The following ZBTB8A variants were observed in gnomAD, a reference collection of about 807,000 sequenced individuals.
ZBTB8A encodes zinc finger and BTB domain-containing protein 8A.
ZBTB8A carries 19 observed loss-of-function variants against 37.8 expected under a neutral mutation model. That is an observed-to-expected ratio of 0.50 (90% CI 0.35 to 0.74). ZBTB8A has a LOEUF of 0.74. ZBTB8A is among the 30% of genes least tolerant of loss of function. The probability of loss-of-function intolerance (pLI) is 0.01; values close to 1 mark genes in which losing one functional copy is unlikely to be tolerated. For synonymous variants in ZBTB8A, 181 were observed against 185.2 expected, an observed-to-expected ratio of 0.98 and a Z score of 0.19; for missense variants, 394 against 537.8, an observed-to-expected ratio of 0.73 and a Z score of 2.65.
At position 32,601,954 on chromosome 1, in the gene ZBTB8A, T is replaced by G. The variant is rs1644579228; in HGVS notation, c.*1535T>G. The G allele has an allele frequency of 3.2e-6, 1 of 315,112 alleles. No individual in the cohort carries two copies. The highest frequency in any genetic ancestry group is 5.7e-6 in the Non-Finnish European group (1 of 174,980). 19.5% of individuals were successfully genotyped at this position (315,112 alleles called of 1,614,324 possible). A position where few individuals can be genotyped will look rare whatever the true frequency, so the allele number is the denominator to read the frequency against. On this transcript the variant is annotated 3_prime_UTR_variant, in exon 5 of 5. Transcript: ENST00000373510. ...AAACTATTTGAACAAATTATTCACT[T>G]AAATATGTTGAACATTTTTGCTTCT...
intron 2 of ZBTB8A, among the ~76,000 whole-genome samples, chr1:32,557,415 T>C (rs1448127240): frequency 1.3e-5 from 2 of 152,242 alleles, no homozygotes; most frequent in Admixed American, 6.5e-5. Context: ...TGTAAATGTA[T>C]AGAAACCATC....
intron 2 of ZBTB8A, among the ~76,000 whole-genome samples, chr1:32,589,900 A>T (rs1198925855): frequency 1.3e-5 from 2 of 151,768 alleles, no homozygotes; most frequent in Admixed American, 6.6e-5. Flanking sequence ...TTTATACAAT[A>T]TTGGTAATTA....
intron 2 of ZBTB8A, among the ~76,000 whole-genome samples, chr1:32,565,258 T>C (rs758823288): frequency 4.7e-4 from 72 of 151,950 alleles, no homozygotes; most frequent in Non-Finnish European, 2.2e-4. Context: ...CCCAGGACAC[T>C]GAGGCTGCAG....
At chr1:32,548,588 C>CT (rs1209670544) in intron 1 of ZBTB8A, among the ~76,000 whole-genome samples, 4 of 152,310 alleles carry the variant, frequency 2.6e-5, no homozygotes, top group African/African-American at 9.6e-5. Context: ...CCCGCCTCAG[C>CT]TTCCCAAAGT....
chr1:32,540,839 A>C (rs1164882155), intron 1 of ZBTB8A, among the ~76,000 whole-genome samples: 1 of 152,206 alleles, frequency 6.6e-6, no homozygotes, highest in Non-Finnish European at 1.5e-5. Flanking sequence ...ACAAGTGGCA[A>C]CTGGGAAGTG....
At chr1:32,547,828 C>CAAAAAAAAAAAAAA (rs1194254576) in intron 1 of ZBTB8A, among the ~76,000 whole-genome samples, 1 of 30,478 alleles carries the variant, frequency 3.3e-5, no homozygotes, top group Non-Finnish European at 5.9e-5. Context: ...ACAAACAAAG[C>CAAAAAAAAAAAAAA]AAAAAAAAAA....
chr1:32,544,137 A>G (rs1365627885), intron 1 of ZBTB8A, among the ~76,000 whole-genome samples: 3 of 152,204 alleles, frequency 2.0e-5, no homozygotes, highest in East Asian at 1.9e-4. Context: ...CCCAGCCAGC[A>G]TGAGGTTTTT....
chr1:32,592,726 C>G (rs577481246), intron 2 of ZBTB8A, among the ~76,000 whole-genome samples: 3 of 151,952 alleles, frequency 2.0e-5, no homozygotes, highest in Admixed American at 6.6e-5. Flanking sequence ...AGGCTGGCCT[C>G]GAACTCCTGA....
chr1:32,580,224 C>G (rs766051261), intron 2 of ZBTB8A, among the ~76,000 whole-genome samples: 4 of 151,846 alleles, frequency 2.6e-5, no homozygotes, highest in Non-Finnish European at 5.9e-5. Flanking sequence ...AAGTGAGACT[C>G]CATCTCAAAA....
chr1:32,565,580 G>A (rs932474092), intron 2 of ZBTB8A, among the ~76,000 whole-genome samples: 2 of 152,112 alleles, frequency 1.3e-5, no homozygotes, highest in African/African-American at 4.8e-5. Context: ...CTTGAGCCCA[G>A]GAGTCTGAGG....
Position 32,600,127 on chromosome 1 carries a change from G to C in ZBTB8A, c.1034G>C (p.Arg345Pro), listed in dbSNP as rs769795468. 3 of 1,613,828 alleles carry C rather than the reference G, an allele frequency of 1.9e-6. No homozygotes were observed. Among genetic ancestry groups the C allele is most frequent in the Non-Finnish European group, 2.5e-6 (3 of 1,179,858 alleles). ...ACKLICRKCK[R>P]HVTDLTGQVV... is the part of the protein sequence containing the mutation. ...AAACTCATCTGCAGAAAATGTAAACGTCATGTGACAGATCTAACAGGGCAA... is the reference window on the plus strand; with the variant it reads ...AAACTCATCTGCAGAAAATGTAAACCTCATGTGACAGATCTAACAGGGCAA... The change falls in exon 5 of 5, where the codon CGT becomes CCT. Residue 345 changes from arginine (R) to proline (P), a missense_variant. By Grantham distance (103) the Arg-to-Pro change is moderately radical. Around this residue, in one of 4 missense-constraint regions of ZBTB8A, gnomAD observed 42 missense variants for 96.4 expected, o/e 0.44. Transcript: ENST00000373510.
intron 2 of ZBTB8A, among the ~76,000 whole-genome samples, chr1:32,589,923 A>G (rs1192542893): frequency 6.6e-6 from 1 of 152,034 alleles, no homozygotes; most frequent in Non-Finnish European, 1.5e-5. Flanking sequence ...CACTTTATGT[A>G]CAGAGGGGAA....
At chr1:32,574,578 C>T (rs557532724) in intron 2 of ZBTB8A, among the ~76,000 whole-genome samples, 1 of 152,174 alleles carries the variant, frequency 6.6e-6, no homozygotes, top group South Asian at 2.1e-4. Context: ...GACTGAAAGA[C>T]AGAGCAAGAC....
At chr1:32,542,335 C>CG (rs574125492) in intron 1 of ZBTB8A, among the ~76,000 whole-genome samples, 24 of 20,292 alleles carry the variant, frequency 1.2e-3, no homozygotes, top group South Asian at 8.3e-3. Context: ...CCTCGGGGGT[C>CG]GGGGGGGCGG....
At chr1:32,599,643 G>T (rs927652513) in intron 4 of ZBTB8A, among the ~76,000 whole-genome samples, 1 of 152,162 alleles carries the variant, frequency 6.6e-6, no homozygotes, top group African/African-American at 2.4e-5. Context: ...CATGAACCCC[G>T]GAGGCGGAGG....
At chr1:32,573,320 C>T (rs1398332763) in intron 2 of ZBTB8A, among the ~76,000 whole-genome samples, 4 of 151,144 alleles carry the variant, frequency 2.6e-5, no homozygotes, top group Admixed American at 1.3e-4. Context: ...GTGATCTGCC[C>T]GCCTCGGCCT....
At chr1:32,580,321 G>A (rs1463054395) in intron 2 of ZBTB8A, among the ~76,000 whole-genome samples, 2 of 152,114 alleles carry the variant, frequency 1.3e-5, no homozygotes, top group Admixed American at 1.3e-4. Flanking sequence ...ACTTTGGGAG[G>A]CTGAGGCAGG....
rs532557753 is a variant in ZBTB8A at position 32,559,578 on chromosome 1, C to G, written c.-2+6038C>G. ...TCCCCAAGCTCAGGTGATCCTCCTACCGCACCCTCCTGAGTACCTGGGACT... is the reference window on the plus strand; with the variant it reads ...TCCCCAAGCTCAGGTGATCCTCCTAGCGCACCCTCCTGAGTACCTGGGACT... On this transcript the variant is annotated intron_variant, in intron 2 of 4. Transcript: ENST00000373510. Among the ~76,000 whole-genome samples the G allele has an allele frequency of 3.9e-5, 6 of 152,148 alleles. No homozygotes were observed. The South Asian group carries it at 1.2e-3, about 32-fold the overall frequency.
At chr1:32,563,653 A>G (rs1644259817) in intron 2 of ZBTB8A, among the ~76,000 whole-genome samples, 1 of 151,990 alleles carries the variant, frequency 6.6e-6, no homozygotes, top group South Asian at 2.1e-4. Flanking sequence ...GTGTCTTTTT[A>G]GTAGAGATGG....
Sources: allele counts gnomAD v4.1 joint callset (sites outside exome capture counted in the v4.1 genomes callset), GRCh38; gene constraint gnomAD v4.1.1; regional missense constraint gnomAD v4.1.1; transcripts MANE v1.5; gene names NCBI Gene and HGNC (gene_info 2026-07-23, HGNC 2026-07-21).